IMMP2L: variants seen among roughly 807,000 people sequenced by gnomAD.
IMMP2L encodes inner mitochondrial membrane peptidase subunit 2, also known as mitochondrial inner membrane protease subunit 2.
A neutral mutation model predicts 19.3 loss-of-function variants in IMMP2L; 18 were observed. The observed-to-expected ratio is 0.93, with a 90% confidence interval of 0.64 to 1.38. The LOEUF is 1.38. Among genes scored for constraint, IMMP2L ranks in the 40% most tolerant of loss-of-function variants. The pLI is 0.00. For missense variants in IMMP2L, 233 were observed against 218.2 expected, an observed-to-expected ratio of 1.07 and a Z score of -0.43; for synonymous variants, 76 against 73.0, an observed-to-expected ratio of 1.04 and a Z score of -0.21.
At chr7:111,042,461 G>A (rs532308588) in intron 3 of IMMP2L, among the ~76,000 whole-genome samples, 2 of 152,236 alleles carry the variant, frequency 1.3e-5, no homozygotes, top group Admixed American at 1.3e-4. Flanking sequence ...GATTACAGGC[G>A]TGAGCCACCA....
At chr7:111,165,286 G>A (rs1399708420) in intron 3 of IMMP2L, among the ~76,000 whole-genome samples, 1 of 151,914 alleles carries the variant, frequency 6.6e-6, no homozygotes, top group Non-Finnish European at 1.5e-5. Context: ...ACAGTCAATT[G>A]TACATATACA....
chr7:110,820,570 ACACACACC>A (rs1262625700), intron 5 of IMMP2L, among the ~76,000 whole-genome samples: 1 of 151,978 alleles, frequency 6.6e-6, no homozygotes, highest in Non-Finnish European at 1.5e-5. Context: ...TGACACACAC[ACACACACC>A]CACCCACCCA....
At chr7:111,109,576 A>G (rs949220694) in intron 3 of IMMP2L, among the ~76,000 whole-genome samples, 1 of 152,112 alleles carries the variant, frequency 6.6e-6, no homozygotes, top group Non-Finnish European at 1.5e-5. Context: ...GGAGTCAAGG[A>G]CCTGGAATAG....
chr7:110,799,101 A>G (rs1253661928), intron 5 of IMMP2L, among the ~76,000 whole-genome samples: 2 of 152,056 alleles, frequency 1.3e-5, no homozygotes, highest in African/African-American at 2.4e-5. Context: ...ATAAGTGAAC[A>G]CTGCCAATCT....
intron 5 of IMMP2L, among the ~76,000 whole-genome samples, chr7:110,822,116 T>C: frequency 6.6e-6 from 1 of 152,100 alleles, no homozygotes; most frequent in South Asian, 2.1e-4. Context: ...ATTCATCATT[T>C]TGCCCCTAAA....
At chr7:110,859,036 C>A (rs950378990) in intron 5 of IMMP2L, among the ~76,000 whole-genome samples, 5 of 151,984 alleles carry the variant, frequency 3.3e-5, no homozygotes, top group African/African-American at 1.2e-4. Flanking sequence ...GTAGATAACC[C>A]CAAACAGATA....
At chr7:111,372,458 G>A (rs1830338882) in intron 3 of IMMP2L, among the ~76,000 whole-genome samples, 2 of 151,712 alleles carry the variant, frequency 1.3e-5, no homozygotes, top group Admixed American at 1.3e-4. Flanking sequence ...CCCTCCACCT[G>A]CCACCCACCA....
chr7:111,471,020 C>T (rs1048526664), intron 3 of IMMP2L, among the ~76,000 whole-genome samples: 1 of 152,128 alleles, frequency 6.6e-6, no homozygotes. Flanking sequence ...AGAATTCATA[C>T]TGTCCATTTC....
intron 5 of IMMP2L, among the ~76,000 whole-genome samples, chr7:110,856,989 C>T (rs1806858488): frequency 6.6e-6 from 1 of 152,018 alleles, no homozygotes; most frequent in South Asian, 2.1e-4. Context: ...TAAATAGCAC[C>T]ATGTAACAGG....
chr7:111,484,236 T>A (rs776142602), intron 3 of IMMP2L, among the ~76,000 whole-genome samples: 1 of 152,204 alleles, frequency 6.6e-6, no homozygotes, highest in Non-Finnish European at 1.5e-5. Flanking sequence ...TGTGTTAGTA[T>A]TTTTATTGAC....
chr7:110,974,565 TTACTGATGCA>T (rs1820497078), intron 3 of IMMP2L, among the ~76,000 whole-genome samples: 1 of 152,154 alleles, frequency 6.6e-6, no homozygotes, highest in Admixed American at 6.6e-5. Context: ...CCCCAAAGCC[TTACTGATGCA>T]TACCATGTCT....
chr7:111,500,150 G>C (rs969256385), intron 2 of IMMP2L, among the ~76,000 whole-genome samples: 2 of 152,134 alleles, frequency 1.3e-5, no homozygotes, highest in African/African-American at 4.8e-5. Context: ...GGCATACCAG[G>C]AGATTATATC....
chr7:110,723,129 A>C (rs1795679346), intron 5 of IMMP2L, among the ~76,000 whole-genome samples: 1 of 152,230 alleles, frequency 6.6e-6, no homozygotes, highest in Non-Finnish European at 1.5e-5. Context: ...AGTAATAAAG[A>C]ATAATGAAAT....
intron 4 of IMMP2L, among the ~76,000 whole-genome samples, chr7:110,903,325 CAAT>C (rs1274265308): frequency 6.6e-6 from 1 of 152,120 alleles, no homozygotes; most frequent in Non-Finnish European, 1.5e-5. Context: ...AGTATAGGTA[CAAT>C]GTTATATGTC....
At chr7:110,797,705 T>A (rs777816244) in intron 5 of IMMP2L, among the ~76,000 whole-genome samples, 1 of 151,984 alleles carries the variant, frequency 6.6e-6, no homozygotes, top group South Asian at 2.1e-4. Flanking sequence ...ATGCTATTTA[T>A]TGGTTCCCTG....
intron 3 of IMMP2L, among the ~76,000 whole-genome samples, chr7:111,055,725 G>C (rs1206765770): frequency 1.3e-5 from 2 of 152,168 alleles, no homozygotes; most frequent in African/African-American, 4.8e-5. Context: ...AGGCTCCAAA[G>C]GACATAATGG....
chr7:111,021,521 G>A (rs1160569016), intron 3 of IMMP2L, among the ~76,000 whole-genome samples: 2 of 152,190 alleles, frequency 1.3e-5, no homozygotes, highest in Non-Finnish European at 2.9e-5. Context: ...GAAGATGAAG[G>A]AGTAGCAAAG....
chr7:111,116,779 CAAT>C (rs983460197), intron 3 of IMMP2L, among the ~76,000 whole-genome samples: 2 of 152,042 alleles, frequency 1.3e-5, no homozygotes, highest in Non-Finnish European at 2.9e-5. Flanking sequence ...AAACACCCAA[CAAT>C]AATAACAAAA....
At chr7:111,474,251 A>G (rs765566887) in intron 3 of IMMP2L, among the ~76,000 whole-genome samples, 14 of 152,122 alleles carry the variant, frequency 9.2e-5, no homozygotes, top group Non-Finnish European at 1.6e-4. Flanking sequence ...GACGGGATCA[A>G]TCATACCCTA....
Sources: allele counts gnomAD v4.1 joint callset (sites outside exome capture counted in the v4.1 genomes callset), GRCh38; gene constraint gnomAD v4.1.1; transcripts MANE v1.5; gene names NCBI Gene and HGNC (gene_info 2026-07-23, HGNC 2026-07-21).